Variants in SIRT7 observed in about 807,000 individuals in gnomAD.
SIRT7 encodes NAD-dependent protein deacetylase sirtuin-7.
In SIRT7, 32 loss-of-function variants were observed where a neutral mutation model predicts 42.8. That is an observed-to-expected ratio of 0.75 (90% CI 0.56 to 1.00). The LOEUF is 1.00. Among genes scored for constraint, SIRT7 ranks in the 50% least tolerant of loss-of-function variants. The pLI is 0.00. For synonymous variants in SIRT7, 297 were observed against 245.2 expected (o/e 1.21, Z -1.97); for missense variants, 553 against 572.2 (o/e 0.97, Z 0.34).
At position 81,913,108 on chromosome 17, in the gene SIRT7, TAC is replaced by T; in HGVS notation, c.1005-496_1005-495del. 2.8e-6 allele frequency: 1 copy of T among 355,722 alleles called. No individual in the cohort carries two copies. Among genetic ancestry groups the T allele is most frequent in the Non-Finnish European group, 5.5e-6 (1 of 183,160 alleles). The allele number at this position is 355,722 out of a possible 1,614,324, so 22.0% of individuals were successfully genotyped here. A position where few individuals can be genotyped will look rare whatever the true frequency, so the allele number is the denominator to read the frequency against. ...CAGAACCACAGATCATAACTTAAGA[TAC>T]AGATACGCACTGATAAGGAAAATGA... On this transcript the variant is annotated intron_variant, in intron 9 of 9. Transcript: ENST00000328666. This position sits in a 1 kb window ranked among gnomAD's most constrained non-coding sequence, Gnocchi z 5.0.
rs537544017 is a variant in SIRT7, at chr17:81,914,634, G to C, written c.549C>G (p.Ile183Met). The change falls in exon 6 of 10, where the codon ATC becomes ATG. Residue 183 changes from isoleucine (I) to methionine (M), a missense_variant. Coordinates refer to ENST00000328666, the MANE Select transcript of SIRT7 (RefSeq NM_016538.3). ...HLRSGLPRTA[I>M]SELHGNMYIE... ...TGTACATGTTCCCGTGGAGCTCGGA[G>C]ATGGCCGTGCGCGGCAGCCCACTCC... is the stretch of plus-strand genomic sequence containing the variant. 1 of 1,613,168 alleles carries C rather than the reference G, an allele frequency of 6.2e-7. No individual in the cohort carries two copies. Among genetic ancestry groups the C allele is most frequent in the South Asian group, 1.1e-5 (1 of 91,092 alleles).
Position 81,913,843 on chromosome 17 carries a change from T to C in SIRT7, c.935A>G (p.His312Arg), listed in dbSNP as rs2040739783. Residue 312 changes from histidine (H) to arginine (R), a missense_variant, in exon 9 of 10, where the codon CAT becomes CGT. Physicochemically the swap from His to Arg is conservative, Grantham distance 29 (BLOSUM62 0). Transcript: ENST00000328666. This position sits in a 1 kb window ranked among gnomAD's most constrained non-coding sequence, Gnocchi z 5.0. ...CCGCATGACGTCATCACACTTCCCA[T>C]GTAGCTTCAGGGCAGCCCAGTCATC... is the stretch of plus-strand genomic sequence containing the variant. ...PKDDWAALKLHGKCDDVMRLL... is the reference protein window; with the variant it reads ...PKDDWAALKLRGKCDDVMRLL... 1 of 1,551,028 alleles carries C rather than the reference T, an allele frequency of 6.4e-7. No homozygotes were observed. Among genetic ancestry groups the C allele is most frequent in the Non-Finnish European group, 8.7e-7 (1 of 1,147,770 alleles).
At chr17:81,917,515 C>T in intron 3 of SIRT7, 100 bp downstream of exon 3, 1 of 1,075,032 alleles carries the variant, frequency 9.3e-7, no homozygotes, top group Non-Finnish European at 1.3e-6. Context: ...CATTTCGTTT[C>T]TTTAAGAGAA....
Position 81,917,646 on chromosome 17 carries a change from A to C in SIRT7, c.305T>G (p.Leu102Trp). Residue 102 changes from leucine to tryptophan, a missense_variant, in exon 3 of 10, where the codon TTG (leucine) becomes TGG (tryptophan). By Grantham distance (61) the Leu-to-Trp change is moderately conservative (BLOSUM62 -2). Transcript: ENST00000328666. ...LASAVRNAKY[L>W]VVYTGAGIST... ...GATTCCCGCGCCTGTGTAGACGACC[A>C]AGTATTTGGCGTTCCGGACGGCGCT... 6.2e-7 allele frequency: 1 copy of C among 1,607,936 alleles called. No homozygotes were observed.
In SIRT7 at chr17:81,914,385, C is replaced by A; in HGVS notation, c.725G>T (p.Arg242Met). 6.2e-7 allele frequency: 1 copy of A among 1,613,154 alleles called. No homozygotes were observed. Among genetic ancestry groups the A allele is most frequent in the Non-Finnish European group, 8.5e-7 (1 of 1,180,000 alleles). ...GTTCAAAGGCTGCCCCAACGTCCCC[C>A]TCTCCCCAAAGTGCACAATGGTGTC... is the stretch of plus-strand genomic sequence containing the variant. Reference protein sequence around the residue: ...LRDTIVHFGERGTLGQPLNWE... With the variant: ...LRDTIVHFGEMGTLGQPLNWE... Residue 242 changes from arginine to methionine, a missense_variant, in exon 7 of 10, where the codon AGG becomes ATG. Arg to Met is a moderately conservative substitution (Grantham distance 91). Coordinates refer to ENST00000328666, the MANE Select transcript of SIRT7 (RefSeq NM_016538.3).
Position 81,912,236 on chromosome 17 carries a change from C to T in SIRT7, c.*180G>A, listed in dbSNP as rs530063168. 155 of 721,796 alleles carry T rather than the reference C, an allele frequency of 2.1e-4. No individual in the cohort carries two copies. Among genetic ancestry groups the T allele is most frequent in the African/African-American group, 2.1e-3 (117 of 56,914 alleles). 44.7% of individuals were successfully genotyped at this position (721,796 alleles called of 1,614,324 possible). ...GGGCAGGTGTCCTCGATGGCCAGGC[C>T]GTATCAGGGTACAACCGCAGCAGTG... On this transcript the variant is annotated 3_prime_UTR_variant, in exon 10 of 10. Coordinates refer to ENST00000328666, the MANE Select transcript of SIRT7 (RefSeq NM_016538.3).
intron 3 of SIRT7, chr17:81,917,034 A>G (rs1227351131): frequency 6.6e-6 from 1 of 152,274 alleles, no homozygotes; most frequent in Non-Finnish European, 1.5e-5. Flanking sequence ...GACCCAGCAC[A>G]GCCAGCTTTA....
chr17:81,912,782 G>A, intron 9 of SIRT7, 168 bp from the exon 10 acceptor site: 1 of 726,976 alleles, frequency 1.4e-6, no homozygotes, highest in Middle Eastern at 3.7e-4. Context: ...CCAAGCTGCA[G>A]AACGGATGTG....
Position 81,915,649 on chromosome 17 carries a change from A to G in SIRT7, c.369T>C (p.Asn123=). The change falls in exon 4 of 10, where the codon AAT becomes AAC. Residue 123 remains asparagine, a synonymous_variant. Transcript: ENST00000328666. The stretch of plus-strand genomic sequence containing the variant: ...CTTTCTGAAGCAGTGTCCACACTCC[A>G]TTAGGGCCCCGGTAGTCTGGGATAG... ...AASIPDYRGP[N]GVWTLLQKGR... 1.9e-6 allele frequency: 3 copies of G among 1,613,962 alleles called. No homozygotes were observed. Among genetic ancestry groups the G allele is most frequent in the Non-Finnish European group, 2.5e-6 (3 of 1,180,002 alleles).
In SIRT7 at chr17:81,918,159, T is replaced by C. The variant is rs1410242145; in HGVS notation, c.-28A>G. On this transcript the variant is annotated 5_prime_UTR_variant, in exon 1 of 10. Transcript: ENST00000328666. ...CTCCCCTGGAGACCTGCTCTTCCGC[T>C]TCCGCCTCACACGGCAGGCCGCGCT... The C allele has an allele frequency of 1.3e-6, 2 of 1,525,472 alleles. No individual in the cohort carries two copies. The highest frequency in any genetic ancestry group is 1.4e-5 in the African/African-American group (1 of 69,636). The allele number at this position is 1,525,472 out of a possible 1,614,324, so 94.5% of individuals were successfully genotyped here.
Position 81,914,118 on chromosome 17 carries a change from C to A in SIRT7, c.866G>T (p.Arg289Leu), listed in dbSNP as rs199722366. The A allele has an allele frequency of 6.2e-7, 1 of 1,613,562 alleles. No homozygotes were observed. The highest frequency in any genetic ancestry group is 1.1e-5 in the South Asian group (1 of 91,084). Residue 289 changes from arginine (R) to leucine (L), a missense_variant, in exon 8 of 10, where the codon CGG becomes CTG. Arg to Leu is a moderately radical substitution (Grantham distance 102). Transcript: ENST00000328666. ...GTTCACGATGTAAAGCTTCGGCCGC[C>A]GGCTAGGGGGCTTGGTCATGCACCA... is the stretch of plus-strand genomic sequence containing the variant. ...RLWCMTKPPS[R>L]RPKLYIVNLQ...
At position 81,914,297 on chromosome 17, in the gene SIRT7, C is replaced by T; in HGVS notation, c.813G>A (p.Leu271=). 1 of 1,613,158 alleles carries T rather than the reference C, an allele frequency of 6.2e-7. No homozygotes were observed. Among genetic ancestry groups the T allele is most frequent in the South Asian group, 1.1e-5 (1 of 91,072 alleles). The stretch of plus-strand genomic sequence containing the variant: ...TCATTGTGTCATCGGCACGTACCTT[C>T]AGGCTGGACCCTAGACACAGGATGG... The part of the protein sequence containing the change: ...ADTILCLGSS[L]KVLKKYPRLW... Residue 271 remains leucine (L), a synonymous_variant, in exon 7 of 10, where the codon CTG becomes CTA. Transcript: ENST00000328666.
At position 81,912,531 on chromosome 17, in the gene SIRT7, C is replaced by G. The variant is rs2040695466; in HGVS notation, c.1088G>C (p.Ser363Thr). 1 of 1,613,692 alleles carries G rather than the reference C, an allele frequency of 6.2e-7. No homozygotes were observed. Among genetic ancestry groups the G allele is most frequent in the African/African-American group, 1.3e-5 (1 of 74,952 alleles). The change falls in exon 10 of 10, where the codon AGC becomes ACC. Residue 363 changes from serine to threonine, a missense_variant. Coordinates refer to ENST00000328666, the MANE Select transcript of SIRT7 (RefSeq NM_016538.3). ...GSHSRKSLCR[S>T]REEAPPGDRG... ...GTCCCCAGGCGGGGCCTCCTCTCTG[C>G]TTCTGCACAGCGACTTCCGACTGTG...
In SIRT7 at chr17:81,912,601, T is replaced by A. The variant is rs1555618078; in HGVS notation, c.1018A>T (p.Ile340Phe). 2.5e-6 allele frequency: 4 copies of A among 1,613,012 alleles called. No homozygotes were observed. Among genetic ancestry groups the A allele is most frequent in the Non-Finnish European group, 3.4e-6 (4 of 1,179,856 alleles). The change falls in exon 10 of 10, where the codon ATT (isoleucine) becomes TTT (phenylalanine). Residue 340 changes from isoleucine (I) to phenylalanine (F), a missense_variant. By Grantham distance (21) the Ile-to-Phe change is conservative (BLOSUM62 0). Transcript: ENST00000328666. ...CGCAGGGGAGTCGCCAGTGAGAAAA[T>A]GGGATCCTGCCACCTGCCAAAAAGG... ...IPAYSRWQDP[I>F]FSLATPLRAG...
In SIRT7 at chr17:81,913,254, C is replaced by T. The variant is rs1386026892; in HGVS notation, c.1004+520G>A. ...TGAAGGGATCCTTAATTTCTTGAAC[C>T]CTTTGATTAAAAGAAGTTATTGATT... On this transcript the variant is annotated intron_variant, in intron 9 of 9. Coordinates refer to ENST00000328666, the MANE Select transcript of SIRT7 (RefSeq NM_016538.3). The surrounding 1 kb of genome is among the most constrained non-coding windows in gnomAD (Gnocchi z 5.0). 1 of 455,756 alleles carries T rather than the reference C, an allele frequency of 2.2e-6. No individual in the cohort carries two copies. Among genetic ancestry groups the T allele is most frequent in the Non-Finnish European group, 4.4e-6 (1 of 226,944 alleles). 28.2% of individuals were successfully genotyped at this position (455,756 alleles called of 1,614,324 possible).
chr17:81,917,961 G>A lies in SIRT7; in HGVS notation c.100C>T (p.Arg34Cys), dbSNP rs1348487595. 1.5e-6 allele frequency: 2 copies of A among 1,352,106 alleles called. No individual in the cohort carries two copies. The highest frequency in any genetic ancestry group is 1.9e-5 in the South Asian group (1 of 53,198). 83.8% of individuals were successfully genotyped at this position (1,352,106 alleles called of 1,614,324 possible). A position where few individuals can be genotyped will look rare whatever the true frequency, so the allele number is the denominator to read the frequency against. Reference protein sequence around the residue: ...QQRERLRQVSRILRKAAAERS... With the variant: ...QQRERLRQVSCILRKAAAERS... ...TCCGCCGCCGCCTTCCTCAGGATGC[G>A]CGACACCTGCGGGCAGGCGGACGGT... The change falls in exon 2 of 10, where the codon CGC becomes TGC. Residue 34 changes from arginine to cysteine, a missense_variant. By Grantham distance (180) the Arg-to-Cys change is radical. Coordinates refer to ENST00000328666, the MANE Select transcript of SIRT7 (RefSeq NM_016538.3).
chr17:81,917,503 G>C, intron 3 of SIRT7, 112 bp downstream of exon 3: 2 of 948,988 alleles, frequency 2.1e-6, no homozygotes, highest in Non-Finnish European at 1.5e-6. Flanking sequence ...GTAAGTTTTG[G>C]TCATTTCGTT....
At position 81,915,659 on chromosome 17, in the gene SIRT7, C is replaced by T. The variant is rs202234407; in HGVS notation, c.359G>A (p.Arg120Gln). ...CAGTGTCCACACTCCATTAGGGCCC[C>T]GGTAGTCTGGGATAGACGCTGCCTG... ...ISTAASIPDY[R>Q]GPNGVWTLLQ... is the part of the protein sequence containing the mutation. Residue 120 changes from arginine (R) to glutamine (Q), a missense_variant, in exon 4 of 10, where the codon CGG becomes CAG. By Grantham distance (43) the Arg-to-Gln change is conservative. Transcript: ENST00000328666. 6 of 1,613,922 alleles carry T rather than the reference C, an allele frequency of 3.7e-6. No individual in the cohort carries two copies. Among genetic ancestry groups the T allele is most frequent in the East Asian group, 2.2e-5 (1 of 44,888 alleles).
chr17:81,912,983 G>T (rs527790303), intron 9 of SIRT7: 3 of 379,734 alleles, frequency 7.9e-6, no homozygotes, highest in Non-Finnish European at 1.0e-5. Context: ...CACTTGTACC[G>T]CTGGGGCAGG....
Sources: allele counts gnomAD v4.1 joint callset, GRCh38; gene constraint gnomAD v4.1.1; non-coding constraint Gnocchi (gnomAD v3.1); transcripts MANE v1.5; gene names NCBI Gene and HGNC (gene_info 2026-07-23, HGNC 2026-07-21).